The following TMEM63C variants were observed in gnomAD, a reference collection of about 807,000 sequenced individuals.
TMEM63C encodes osmosensitive cation channel TMEM63C.
TMEM63C carries 32 observed loss-of-function variants against 99.2 expected under a neutral mutation model. The ratio of observed to expected loss-of-function variants is 0.32; its 90% CI spans 0.24 to 0.43. The LOEUF (loss-of-function observed/expected upper bound fraction) is 0.43. Among genes scored for constraint, TMEM63C ranks in the 20% least tolerant of loss-of-function variants. The probability of loss-of-function intolerance (pLI) is 1.00; values close to 1 mark genes in which losing one functional copy is unlikely to be tolerated. For missense variants in TMEM63C, 826 were observed against 1,053.0 expected (o/e 0.78, Z 2.98); for synonymous variants, 376 against 397.9 (o/e 0.94, Z 0.66).
In TMEM63C at chr14:77,243,119, G is replaced by A. The variant is rs535465115; in HGVS notation, c.1341+63G>A. ...GGAGATCAAGGAATAATTCAGGCGAGGATGGGATGGGGGGAGCCCCCTGGG... is the reference window on the plus strand; with the variant it reads ...GGAGATCAAGGAATAATTCAGGCGAAGATGGGATGGGGGGAGCCCCCTGGG... On this transcript the variant is annotated intron_variant, in intron 15 of 23. Coordinates refer to ENST00000298351, the MANE Select transcript of TMEM63C (RefSeq NM_020431.4). 2.8e-4 allele frequency: 445 copies of A among 1,586,416 alleles called. No individual in the cohort carries two copies. In the African/African-American group the frequency reaches 5.3e-3, roughly 19 times the overall value.
intron 1 of TMEM63C, among the ~76,000 whole-genome samples, chr14:77,203,609 T>G (rs1237223293): frequency 6.6e-6 from 1 of 152,230 alleles, no homozygotes; most frequent in African/African-American, 2.4e-5. Context: ...TCACACCACT[T>G]GGATCTCCTC....
At position 77,248,465 on chromosome 14, in the gene TMEM63C, C is replaced by T; in HGVS notation, c.1720C>T (p.Leu574Phe). The change falls in exon 19 of 24, where the codon CTC (leucine) becomes TTC (phenylalanine). Residue 574 changes from leucine to phenylalanine, a missense_variant. Physicochemically the swap from Leu to Phe is conservative, Grantham distance 22. Coordinates refer to ENST00000298351, the MANE Select transcript of TMEM63C (RefSeq NM_020431.4). Reference sequence around the variant, plus strand: ...GTCACTCTTCTGCTACAGCACCCGCCTCTTCTTCTCTAGATCAGAGCCAGA... The same window carrying T: ...GTCACTCTTCTGCTACAGCACCCGCTTCTTCTTCTCTAGATCAGAGCCAGA... ...LGSLFCYSTR[L>F]FFSRSEPERV... The T allele has an allele frequency of 6.3e-7, 1 of 1,593,730 alleles. No individual in the cohort carries two copies. The highest frequency in any genetic ancestry group is 8.5e-7 in the Non-Finnish European group (1 of 1,170,156).
At chr14:77,210,895 G>C (rs1017496033) in intron 1 of TMEM63C, among the ~76,000 whole-genome samples, 3 of 152,218 alleles carry the variant, frequency 2.0e-5, no homozygotes, top group African/African-American at 7.2e-5. Flanking sequence ...GAGAGAAGGT[G>C]GGGGTGGCTC....
chr14:77,220,181 C>A (rs894387222), intron 5 of TMEM63C, 94 bp downstream of exon 5: 56 of 1,228,744 alleles, frequency 4.6e-5, no homozygotes, highest in Non-Finnish European at 6.1e-5. Flanking sequence ...GACCTTGGGG[C>A]TTTGTAATCA....
intron 6 of TMEM63C, among the ~76,000 whole-genome samples, chr14:77,226,509 G>A (rs751450141): frequency 5.3e-5 from 8 of 152,202 alleles, no homozygotes; most frequent in Non-Finnish European, 7.3e-5. Context: ...CTGTGCAGAC[G>A]GCATGTGGGG....
intron 1 of TMEM63C, among the ~76,000 whole-genome samples, chr14:77,192,581 G>C (rs1232115108): frequency 6.6e-6 from 1 of 152,144 alleles, no homozygotes; most frequent in Non-Finnish European, 1.5e-5. Flanking sequence ...ATAAATTCTA[G>C]AGGGGGCAAA....
intron 5 of TMEM63C, 82 bp from the exon 6 acceptor site, chr14:77,225,342 G>A: frequency 7.1e-7 from 1 of 1,413,884 alleles, no homozygotes; most frequent in Non-Finnish European, 9.7e-7. Flanking sequence ...TGCCTCAGAT[G>A]ACCTGGCCGC....
intron 12 of TMEM63C, 116 bp downstream of exon 12, chr14:77,239,842 G>T (rs1294545521): frequency 1.4e-6 from 2 of 1,391,848 alleles, no homozygotes; most frequent in African/African-American, 1.4e-5. Flanking sequence ...CTGCTCTAGT[G>T]CTCCCCACCC....
At chr14:77,241,668 G>A (rs1030098070) in intron 13 of TMEM63C, among the ~76,000 whole-genome samples, 1 of 152,158 alleles carries the variant, frequency 6.6e-6, no homozygotes, top group Non-Finnish European at 1.5e-5. Context: ...GGCAAATTTG[G>A]TTACTGATAT....
intron 1 of TMEM63C, among the ~76,000 whole-genome samples, chr14:77,208,826 A>G (rs1888448111): frequency 1.3e-5 from 2 of 152,224 alleles, no homozygotes; most frequent in Non-Finnish European, 2.9e-5. Flanking sequence ...GGCCCTGCCC[A>G]CGAGCCCTGG....
At chr14:77,215,608 A>AG (rs1354470113) in intron 2 of TMEM63C, among the ~76,000 whole-genome samples, 2 of 137,768 alleles carry the variant, frequency 1.5e-5, no homozygotes, top group East Asian at 2.0e-4. Context: ...CTCAAAAAAA[A>AG]AAAAAAAAAA....
intron 1 of TMEM63C, among the ~76,000 whole-genome samples, chr14:77,211,739 C>G (rs932888496): frequency 2.0e-5 from 3 of 152,142 alleles, no homozygotes; most frequent in Non-Finnish European, 4.4e-5. Context: ...TTTGCCCAAG[C>G]CTAGAACAGC....
At chr14:77,223,301 G>T (rs1227249132) in intron 5 of TMEM63C, among the ~76,000 whole-genome samples, 2 of 152,146 alleles carry the variant, frequency 1.3e-5, no homozygotes, top group African/African-American at 4.8e-5. Flanking sequence ...ACTGAAGAGG[G>T]CGTAAATTAA....
At chr14:77,241,564 C>A (rs1391454359) in intron 13 of TMEM63C, among the ~76,000 whole-genome samples, 1 of 152,180 alleles carries the variant, frequency 6.6e-6, no homozygotes, top group Admixed American at 6.5e-5. Flanking sequence ...CCACCTACCC[C>A]AACCCTACAA....
chr14:77,222,950 C>A (rs1888751525), intron 5 of TMEM63C, among the ~76,000 whole-genome samples: 3 of 152,236 alleles, frequency 2.0e-5, no homozygotes, highest in Non-Finnish European at 4.4e-5. Flanking sequence ...CTGCACCCCA[C>A]ATCCAATCCA....
chr14:77,245,553 G>A (rs183276817), intron 16 of TMEM63C, among the ~76,000 whole-genome samples: 46 of 152,328 alleles, frequency 3.0e-4, no homozygotes, highest in African/African-American at 1.1e-3. Flanking sequence ...ATAGGAAAAA[G>A]GGTTTATTGG....
At chr14:77,245,444 G>A (rs1010058421) in intron 16 of TMEM63C, among the ~76,000 whole-genome samples, 11 of 152,190 alleles carry the variant, frequency 7.2e-5, no homozygotes, top group African/African-American at 2.7e-4. Context: ...AGACATACCC[G>A]AGACTGGACA....
intron 1 of TMEM63C, among the ~76,000 whole-genome samples, chr14:77,198,759 AG>A (rs1448591877): frequency 1.3e-5 from 2 of 152,162 alleles, no homozygotes; most frequent in Non-Finnish European, 2.9e-5. Context: ...GAAGTGCAGG[AG>A]GGAAGCAGCG....
At chr14:77,200,958 A>G (rs947218904) in intron 1 of TMEM63C, 17 of 150,224 alleles carry the variant, frequency 1.1e-4, no homozygotes, top group African/African-American at 4.2e-4. Context: ...TGCTCAGTTA[A>G]AGTGATCTAG....
Sources: allele counts gnomAD v4.1 joint callset (sites outside exome capture counted in the v4.1 genomes callset), GRCh38; gene constraint gnomAD v4.1.1; transcripts MANE v1.5; gene names NCBI Gene and HGNC (gene_info 2026-07-23, HGNC 2026-07-21).